Variants in DGKB observed in about 807,000 individuals in gnomAD.
DGKB encodes the protein 90 kDa diacylglycerol kinase.
Under a neutral mutation model 114.3 loss-of-function variants are expected in DGKB, and 67 were observed. The observed-to-expected ratio is 0.59, with a 90% CI of 0.48 to 0.72. The LOEUF (loss-of-function observed/expected upper bound fraction) is 0.72, where lower values mean the gene tolerates loss of function less well. Ranked by LOEUF, DGKB falls within the 30% of genes least tolerant of loss-of-function variation. The pLI, the probability that DGKB is intolerant of heterozygous loss-of-function variation, is 0.00. For missense variants in DGKB, 907 were observed against 975.2 expected (o/e 0.93, Z 0.93); for synonymous variants, 398 against 323.1 (o/e 1.23, Z -2.49).
intron 20 of DGKB, among the ~76,000 whole-genome samples, chr7:14,532,886 A>C (rs1041013591): frequency 6.6e-6 from 1 of 151,726 alleles, no homozygotes; most frequent in East Asian, 1.9e-4. Context: ...AATTAAAATT[A>C]TAAGTGAAAG....
rs150646682 is a variant in DGKB, at chr7:14,330,534, C to A, written c.2122+7981G>T. ...AATTTAAAATGGCTTTGCAGTCTTA[C>A]CAATTCTACCATAAAAAGTTATAGC... On this transcript the variant is annotated intron_variant, in intron 23 of 25. Transcript: ENST00000402815. Among the ~76,000 whole-genome samples the A allele has an allele frequency of 7.2e-3, 1,094 of 152,060 alleles. 11 individuals carry two copies. Among genetic ancestry groups the A allele is most frequent in the African/African-American group, 0.025 (1,035 of 41,546 alleles).
intron 1 of DGKB, among the ~76,000 whole-genome samples, chr7:14,931,326 G>A (rs1334831816): frequency 6.6e-6 from 1 of 152,066 alleles, no homozygotes; most frequent in East Asian, 1.9e-4. Flanking sequence ...TGGCCAGGCT[G>A]GTCTCAAACT....
At chr7:14,532,383 T>C (rs1584623682) in intron 20 of DGKB, among the ~76,000 whole-genome samples, 1 of 151,430 alleles carries the variant, frequency 6.6e-6, no homozygotes, top group East Asian at 1.9e-4. Context: ...ATACATACTG[T>C]CTACAAGAAT....
intron 23 of DGKB, among the ~76,000 whole-genome samples, chr7:14,238,960 G>A (rs1793238828): frequency 6.6e-6 from 1 of 152,028 alleles, no homozygotes; most frequent in Non-Finnish European, 1.5e-5. Flanking sequence ...TTATGTTACA[G>A]TGAAGAAGGA....
At chr7:14,933,874 A>G (rs1416271928) in intron 1 of DGKB, among the ~76,000 whole-genome samples, 3 of 152,102 alleles carry the variant, frequency 2.0e-5, no homozygotes, top group African/African-American at 7.2e-5. Flanking sequence ...AAAATTACAA[A>G]AAATTGCTTT....
At chr7:14,809,652 T>A (rs935999595) in intron 2 of DGKB, among the ~76,000 whole-genome samples, 4 of 152,140 alleles carry the variant, frequency 2.6e-5, no homozygotes, top group East Asian at 1.9e-4. Context: ...AGTTTTAATA[T>A]CTTTGGCATA....
rs191886906 is a variant in DGKB at position 14,806,849 on chromosome 7, T to C, written c.70+34345A>G. Among the ~76,000 whole-genome samples, 4 of 152,072 alleles carry C rather than the reference T, an allele frequency of 2.6e-5. No individual in the cohort carries two copies. In the East Asian group the frequency reaches 5.8e-4, roughly 22 times the overall value. On this transcript the variant is annotated intron_variant, in intron 2 of 25. Coordinates refer to ENST00000402815, the MANE Select transcript of DGKB (RefSeq NM_001350709.2). ...TATTACAGGGCAACAGGGATAAATA[T>C]AACCTAGGCCCAGAAAATTAGAGCC...
intron 1 of DGKB, among the ~76,000 whole-genome samples, chr7:14,955,879 C>T (rs1587453553): frequency 6.6e-6 from 1 of 152,084 alleles, no homozygotes; most frequent in South Asian, 2.1e-4. Context: ...GAAGGATCCT[C>T]ATAACCTAAT....
At chr7:14,900,641 C>T (rs1782872244) in intron 1 of DGKB, among the ~76,000 whole-genome samples, 1 of 152,098 alleles carries the variant, frequency 6.6e-6, no homozygotes, top group African/African-American at 2.4e-5. Flanking sequence ...CCCAGCAAAA[C>T]TTACCAATGG....
At chr7:14,293,851 C>T (rs1802123067) in intron 23 of DGKB, among the ~76,000 whole-genome samples, 1 of 152,152 alleles carries the variant, frequency 6.6e-6, no homozygotes, top group African/African-American at 2.4e-5. Flanking sequence ...TCTTTTACAA[C>T]CTTCCTCTCT....
At chr7:14,409,284 A>T (rs1221019896) in intron 21 of DGKB, among the ~76,000 whole-genome samples, 1 of 152,126 alleles carries the variant, frequency 6.6e-6, no homozygotes, top group Non-Finnish European at 1.5e-5. Context: ...CATCATTCTC[A>T]GTCCTTGTGT....
intron 20 of DGKB, among the ~76,000 whole-genome samples, chr7:14,480,157 G>A (rs748398769): frequency 6.6e-6 from 1 of 151,914 alleles, no homozygotes; most frequent in African/African-American, 2.4e-5. Flanking sequence ...GAAGAGAGGG[G>A]AGAGACAGCA....
chr7:14,401,963 TACAC>T (rs68097407), intron 21 of DGKB, among the ~76,000 whole-genome samples: 6 of 148,424 alleles, frequency 4.0e-5, no homozygotes, highest in East Asian at 5.1e-4. Flanking sequence ...CAATAATTTG[TACAC>T]ACACACACAC....
Position 14,771,281 on chromosome 7 carries a change from G to A in DGKB, c.71-13550C>T, listed in dbSNP as rs192925973. Among the ~76,000 whole-genome samples the A allele has an allele frequency of 2.1e-3, 321 of 152,194 alleles. 1 individual carries two copies. The highest frequency in any genetic ancestry group is 6.8e-3 in the Middle Eastern group (2 of 294). On this transcript the variant is annotated intron_variant, in intron 2 of 25. Transcript: ENST00000402815. ...GAAGGTATACAAGCTCTGGGAAACT[G>A]TAATTTTCAGTTGGTCTGGTGATAT...
intron 3 of DGKB, among the ~76,000 whole-genome samples, chr7:14,757,211 C>T (rs1261427751): frequency 6.6e-6 from 1 of 151,998 alleles, no homozygotes; most frequent in Non-Finnish European, 1.5e-5. Context: ...TACCCCTACA[C>T]CAATATCCAT....
intron 21 of DGKB, among the ~76,000 whole-genome samples, chr7:14,356,596 G>A (rs1191613318): frequency 9.9e-5 from 15 of 151,800 alleles, no homozygotes; most frequent in African/African-American, 2.4e-4. Flanking sequence ...TCCTGACCTC[G>A]TGATCAGCCC....
chr7:14,495,138 C>A (rs1368272505), intron 20 of DGKB, among the ~76,000 whole-genome samples: 1 of 151,750 alleles, frequency 6.6e-6, no homozygotes, highest in Non-Finnish European at 1.5e-5. Flanking sequence ...ATCAGTGGCA[C>A]CACTGAATTC....
At chr7:14,460,429 G>GAA (rs530874828) in intron 21 of DGKB, among the ~76,000 whole-genome samples, 1,803 of 143,334 alleles carry the variant, frequency 0.013, 15 homozygotes, top group Non-Finnish European at 0.02. Flanking sequence ...GGAAAGCAAA[G>GAA]AAAAAAAAAA....
chr7:14,508,507 CAT>C (rs1450263603), intron 20 of DGKB, among the ~76,000 whole-genome samples: 1 of 152,092 alleles, frequency 6.6e-6, no homozygotes, highest in Non-Finnish European at 1.5e-5. Flanking sequence ...AGAAGGAAAA[CAT>C]TTTATTGAGA....
Sources: gnomAD v4.1 joint callset for allele counts (sites outside exome capture counted in the v4.1 genomes callset) on GRCh38, gnomAD v4.1.1 for gene constraint, MANE v1.5 for transcripts, NCBI Gene and HGNC (gene_info 2026-07-23, HGNC 2026-07-21) for gene names.